FAM120A: variants seen among roughly 807,000 people sequenced by gnomAD.
The protein encoded by FAM120A is family with sequence similarity 120 member A, also known as constitutive coactivator of PPAR-gamma-like protein 1.
Under a neutral mutation model 109.7 loss-of-function variants are expected in FAM120A, and 15 were observed. That is an observed-to-expected ratio of 0.14 (90% CI 0.09 to 0.21). The LOEUF is 0.21. FAM120A is among the 10% of genes least tolerant of loss of function. The pLI is 1.00. For missense variants in FAM120A, 899 were observed against 1,439.3 expected, an observed-to-expected ratio of 0.62 and a Z score of 6.07; for synonymous variants, 493 against 572.8, an observed-to-expected ratio of 0.86 and a Z score of 1.99.
chr9:93,496,654 G>C (rs1007392195), intron 3 of FAM120A, among the ~76,000 whole-genome samples: 4 of 152,156 alleles, frequency 2.6e-5, no homozygotes, highest in African/African-American at 9.7e-5. Context: ...ATCCAGGACA[G>C]GATTCTTATT....
chr9:93,524,440 G>A (rs150317570), intron 7 of FAM120A, among the ~76,000 whole-genome samples: 4 of 152,314 alleles, frequency 2.6e-5, no homozygotes, highest in African/African-American at 9.6e-5. Context: ...AGAACAGTTT[G>A]CTATCTTTCC....
rs761716937 is a variant in FAM120A, at chr9:93,452,725, C to T, written c.474+336C>T. The T allele has an allele frequency of 1.3e-6, 2 of 1,598,246 alleles. No homozygotes were observed. Among genetic ancestry groups the T allele is most frequent in the African/African-American group, 1.3e-5 (1 of 75,042 alleles). On this transcript the variant is annotated intron_variant, in intron 1 of 17. Coordinates refer to ENST00000277165, the MANE Select transcript of FAM120A (RefSeq NM_014612.5). This position sits in a 1 kb window ranked among gnomAD's most constrained non-coding sequence, Gnocchi z 7.0. Reference sequence around the variant, plus strand: ...TTTTTCCCATCCTATTTGAGGCGGGCAGGCTATCACTCACCTTCAACTTTG... The same window carrying T: ...TTTTTCCCATCCTATTTGAGGCGGGTAGGCTATCACTCACCTTCAACTTTG...
chr9:93,486,324 T>TA (rs1189557107), intron 3 of FAM120A, among the ~76,000 whole-genome samples: 2 of 152,024 alleles, frequency 1.3e-5, no homozygotes, highest in Non-Finnish European at 2.9e-5. Flanking sequence ...TGTGAATATA[T>TA]GACATTTTAT....
intron 7 of FAM120A, among the ~76,000 whole-genome samples, chr9:93,522,783 C>T (rs571350013): frequency 6.6e-6 from 1 of 152,256 alleles, no homozygotes; most frequent in East Asian, 1.9e-4. Context: ...GTTATGGAGG[C>T]ATCTTTTGCA....
At chr9:93,550,867 T>TATTC (rs889884626) in intron 12 of FAM120A, among the ~76,000 whole-genome samples, 176 bp downstream of exon 12, 1 of 152,236 alleles carries the variant, frequency 6.6e-6, no homozygotes, top group Non-Finnish European at 1.5e-5. Flanking sequence ...GCAAAAGGAA[T>TATTC]ATTCCTTTCT....
At chr9:93,511,258 C>T (rs1860304833) in intron 5 of FAM120A, among the ~76,000 whole-genome samples, 1 of 152,208 alleles carries the variant, frequency 6.6e-6, no homozygotes, top group South Asian at 2.1e-4. Flanking sequence ...TTGCCTCCTT[C>T]TGTCACCAGG....
intron 3 of FAM120A, among the ~76,000 whole-genome samples, chr9:93,496,762 C>A (rs1859593867): frequency 6.6e-6 from 1 of 152,258 alleles, no homozygotes; most frequent in Non-Finnish European, 1.5e-5. Flanking sequence ...TTTGGGAGGT[C>A]ATTGTCCTGC....
intron 3 of FAM120A, among the ~76,000 whole-genome samples, chr9:93,482,202 T>C (rs1329680866): frequency 6.6e-6 from 1 of 151,454 alleles, no homozygotes; most frequent in Non-Finnish European, 1.5e-5. Context: ...TTTTTTTTTT[T>C]TGGGAGACGG....
rs921206576 is a variant in FAM120A at position 93,486,694 on chromosome 9, T to C, written c.804+10356T>C. 4.6e-5 allele frequency among the ~76,000 whole-genome samples: 7 copies of C among 151,874 alleles called. No individual in the cohort carries two copies. In the East Asian group the frequency reaches 1.4e-3, roughly 30 times the overall value. Reference sequence around the variant, plus strand: ...AATTACAGGTGTGTGCCACCACGCCTGGCTAATTTTTGTATTTTTAGTAGA... The same window carrying C: ...AATTACAGGTGTGTGCCACCACGCCCGGCTAATTTTTGTATTTTTAGTAGA... On this transcript the variant is annotated intron_variant, in intron 3 of 17. Coordinates refer to ENST00000277165, the MANE Select transcript of FAM120A (RefSeq NM_014612.5).
At chr9:93,475,337 C>G (rs1858503816) in intron 2 of FAM120A, among the ~76,000 whole-genome samples, 1 of 152,178 alleles carries the variant, frequency 6.6e-6, no homozygotes, top group Non-Finnish European at 1.5e-5. Flanking sequence ...GATTTTACAT[C>G]AGATTTTACA....
At chr9:93,495,378 A>G (rs907173661) in intron 3 of FAM120A, among the ~76,000 whole-genome samples, 1 of 152,244 alleles carries the variant, frequency 6.6e-6, no homozygotes, top group African/African-American at 2.4e-5. Context: ...ACTCACTGGA[A>G]CATGTCCCTG....
chr9:93,522,517 G>A (rs965650827), intron 7 of FAM120A, among the ~76,000 whole-genome samples: 3 of 152,086 alleles, frequency 2.0e-5, no homozygotes, highest in African/African-American at 4.8e-5. Context: ...ATATGTACAT[G>A]TACTTAATAC....
chr9:93,511,548 G>A (rs1860322805), intron 5 of FAM120A, among the ~76,000 whole-genome samples: 1 of 152,254 alleles, frequency 6.6e-6, no homozygotes, highest in Non-Finnish European at 1.5e-5. Flanking sequence ...GATCTGTAGT[G>A]TAACGGGAAC....
intron 5 of FAM120A, among the ~76,000 whole-genome samples, chr9:93,507,693 G>A (rs1860128905): frequency 6.6e-6 from 1 of 152,194 alleles, no homozygotes; most frequent in African/African-American, 2.4e-5. Flanking sequence ...GTTCTGAGAG[G>A]TTGGGCAAGA....
chr9:93,490,877 A>C (rs565537486), intron 3 of FAM120A, among the ~76,000 whole-genome samples: 2 of 152,352 alleles, frequency 1.3e-5, no homozygotes, highest in East Asian at 3.9e-4. Context: ...TGTCTGGAGT[A>C]GTCACCAGGC....
chr9:93,556,424 T>C lies in FAM120A; in HGVS notation c.2317T>C (p.Phe773Leu). Residue 773 changes from phenylalanine to leucine, a missense_variant, in exon 13 of 18, where the codon TTC (phenylalanine) becomes CTC (leucine). Physicochemically the swap from Phe to Leu is conservative, Grantham distance 22. Around this residue, in one of 11 missense-constraint regions of FAM120A, gnomAD observed 52 missense variants for 49.7 expected, o/e 1.05. Transcript: ENST00000277165. ...DPRGIQLSAL[F>L]MSGVDMALFA... ...CCGAGGAATTCAGCTATCAGCTCTC[T>C]TCATGAGTGGAGTAGACATGGCCTT... The C allele has an allele frequency of 6.2e-7, 1 of 1,614,240 alleles. No homozygotes were observed. The highest frequency in any genetic ancestry group is 8.5e-7 in the Non-Finnish European group (1 of 1,180,038).
intron 1 of FAM120A, among the ~76,000 whole-genome samples, chr9:93,468,571 G>C (rs1858161458): frequency 6.6e-6 from 1 of 152,128 alleles, no homozygotes; most frequent in Non-Finnish European, 1.5e-5. Context: ...CAACTATGTT[G>C]ACCTTTGCCT....
At chr9:93,491,784 C>G (rs898414496) in intron 3 of FAM120A, among the ~76,000 whole-genome samples, 6 of 151,558 alleles carry the variant, frequency 4.0e-5, no homozygotes, top group Admixed American at 1.3e-4. Context: ...ATGGTTCTAG[C>G]TCTAGATATG....
intron 15 of FAM120A, among the ~76,000 whole-genome samples, chr9:93,560,484 G>A (rs1043355314): frequency 6.6e-6 from 1 of 152,216 alleles, no homozygotes; most frequent in African/African-American, 2.4e-5. Context: ...CAAGATGATA[G>A]TTGTTTATTA....
Sources: gnomAD v4.1 joint callset for allele counts (sites outside exome capture counted in the v4.1 genomes callset) on GRCh38, gnomAD v4.1.1 for gene constraint, gnomAD v4.1.1 regional missense constraint, Gnocchi (gnomAD v3.1) non-coding constraint, MANE v1.5 for transcripts, NCBI Gene and HGNC (gene_info 2026-07-23, HGNC 2026-07-21) for gene names.